Variants in IST1 observed in about 807,000 individuals in gnomAD.
IST1 encodes the protein IST1 homolog.
In IST1, 23 loss-of-function variants were observed where a neutral mutation model predicts 37.0. That is an observed-to-expected ratio of 0.62 (90% CI 0.45 to 0.88). IST1 has a LOEUF of 0.88. IST1 is among the 40% of genes least tolerant of loss of function. The pLI is 0.00. For synonymous variants in IST1, 180 were observed against 161.7 expected (o/e 1.11, Z -0.86); for missense variants, 488 against 445.4 (o/e 1.10, Z -0.86).
At chr16:71,918,389 C>T (rs937214142) in intron 4 of IST1, among the ~76,000 whole-genome samples, 29 of 148,592 alleles carry the variant, frequency 2.0e-4, no homozygotes, top group Non-Finnish European at 3.4e-4. Context: ...AGAAGAGGGA[C>T]AGTAGAGGCA....
At position 71,906,096 on chromosome 16, in the gene IST1, C is replaced by T. The variant is rs190339992; in HGVS notation, c.-15-9530C>T. On this transcript the variant is annotated intron_variant, in intron 1 of 9. Transcript: ENST00000378799. ...TCGGCTCACTGCAGCCTCTGCCTCC[C>T]AGGTTCAACCAATTCTCCTGCCTCA... 5.8e-3 allele frequency among the ~76,000 whole-genome samples: 871 copies of T among 149,882 alleles called. 5 individuals carry two copies. Among genetic ancestry groups the T allele is most frequent in the Non-Finnish European group, 6.2e-3 (418 of 67,284 alleles).
intron 1 of IST1, among the ~76,000 whole-genome samples, chr16:71,908,319 G>A (rs1235080245): frequency 1.4e-4 from 1 of 7,252 alleles, no homozygotes. Flanking sequence ...TTTTTTTTTT[G>A]GAGACAGTCT....
At chr16:71,927,505 T>C (rs1007182381) in intron 9 of IST1, 109 bp from the exon 10 acceptor site, 3 of 814,882 alleles carry the variant, frequency 3.7e-6, no homozygotes, top group Middle Eastern at 2.3e-4. Flanking sequence ...AAAAAAAAGT[T>C]TGTGAACTAA....
chr16:71,920,870 T>A, intron 5 of IST1, 48 bp downstream of exon 5: 1 of 1,308,224 alleles, frequency 7.6e-7, no homozygotes, highest in Non-Finnish European at 1.1e-6. Flanking sequence ...GGGAGCAGTT[T>A]ATTGTACTGC....
rs1597257957 is a variant in IST1, at chr16:71,924,778, A to G, written c.862A>G (p.Ile288Val). 2 of 1,609,468 alleles carry G rather than the reference A, an allele frequency of 1.2e-6. No individual in the cohort carries two copies. The highest frequency in any genetic ancestry group is 8.5e-7 in the Non-Finnish European group (1 of 1,175,654). ...AATCTTTGTGTTTCAGGTAGATGAC[A>G]TTAATGCTGATAAGAATATCTCTTC... ...TPPSYESVDD[I>V]NADKNISSAQ... The change falls in exon 9 of 10, where the codon ATT (isoleucine) becomes GTT (valine). Residue 288 changes from isoleucine to valine, a missense_variant. Ile to Val is a conservative substitution (Grantham distance 29). Coordinates refer to ENST00000378799, the MANE Select transcript of IST1 (RefSeq NM_001270975.2).
At chr16:71,897,209 G>A (rs1374369538) in intron 1 of IST1, among the ~76,000 whole-genome samples, 1 of 150,334 alleles carries the variant, frequency 6.7e-6, no homozygotes, top group African/African-American at 2.4e-5. Flanking sequence ...GGTCGGGAGG[G>A]GAGAGTTTCT....
At chr16:71,908,499 G>A (rs988368064) in intron 1 of IST1, among the ~76,000 whole-genome samples, 1 of 151,774 alleles carries the variant, frequency 6.6e-6, no homozygotes, top group Admixed American at 6.6e-5. Context: ...GTTTCACCAT[G>A]TTGGCCAGGC....
chr16:71,914,441 T>G (rs2037426602), intron 1 of IST1, among the ~76,000 whole-genome samples: 1 of 152,164 alleles, frequency 6.6e-6, no homozygotes, highest in East Asian at 1.9e-4. Flanking sequence ...ATTACAGATG[T>G]GAGCCGCCGC....
intron 1 of IST1, among the ~76,000 whole-genome samples, chr16:71,896,383 T>G (rs2036972373): frequency 6.6e-6 from 1 of 152,150 alleles, no homozygotes; most frequent in Non-Finnish European, 1.5e-5. Flanking sequence ...TAGGGGAAAC[T>G]TGAATTTTAA....
At chr16:71,903,134 A>G (rs1031117918) in intron 1 of IST1, 9 of 152,140 alleles carry the variant, frequency 5.9e-5, no homozygotes, top group African/African-American at 1.9e-4. Flanking sequence ...GTGTGCCACC[A>G]TGCCCTGCTA....
chr16:71,905,181 G>A (rs937861490), intron 1 of IST1, among the ~76,000 whole-genome samples: 26 of 151,818 alleles, frequency 1.7e-4, no homozygotes, highest in Admixed American at 1.1e-3. Flanking sequence ...GACTGCAGGT[G>A]CGTGCCATCA....
intron 1 of IST1, among the ~76,000 whole-genome samples, chr16:71,897,638 T>C (rs553729519): frequency 3.9e-5 from 6 of 152,176 alleles, no homozygotes; most frequent in African/African-American, 1.4e-4. Context: ...TTTGGAGAAT[T>C]GGTAAGAAAA....
intron 4 of IST1, among the ~76,000 whole-genome samples, chr16:71,918,659 G>A (rs1318092105): frequency 3.3e-5 from 5 of 151,992 alleles, no homozygotes; most frequent in Non-Finnish European, 5.9e-5. Flanking sequence ...CTCGTGATCC[G>A]CCTGCCTCGG....
In IST1 at chr16:71,929,961, T is replaced by TA; in HGVS notation, c.*2151dup. On this transcript the variant is annotated 3_prime_UTR_variant, in exon 10 of 10. Coordinates refer to ENST00000378799, the MANE Select transcript of IST1 (RefSeq NM_001270975.2). ...AAAGGGAATATGATACTGTGCATTA[T>TA]AAATTATGTCAGCCCGTCATCTTAG... 7.2e-7 allele frequency: 1 copy of TA among 1,382,644 alleles called. No individual in the cohort carries two copies. The highest frequency in any genetic ancestry group is 9.7e-7 in the Non-Finnish European group (1 of 1,032,478). The allele number at this position is 1,382,644 out of a possible 1,614,324, so 85.6% of individuals were successfully genotyped here. A position where few individuals can be genotyped will look rare whatever the true frequency, so the allele number is the denominator to read the frequency against.
intron 8 of IST1, chr16:71,924,261 C>A: frequency 2.3e-6 from 1 of 441,548 alleles, no homozygotes; most frequent in South Asian, 1.6e-5. Context: ...GTGAAAGTAT[C>A]ATTAAAGTTG....
chr16:71,916,901 C>A (rs555539422), intron 3 of IST1, 146 bp from the exon 4 acceptor site: 3 of 605,688 alleles, frequency 5.0e-6, no homozygotes, highest in Non-Finnish European at 8.3e-6. Flanking sequence ...AATAAGATCA[C>A]GAAAATGGCT....
chr16:71,922,894 A>G (rs1050058954), intron 7 of IST1: 2 of 596,552 alleles, frequency 3.4e-6, no homozygotes, highest in East Asian at 5.6e-5. Flanking sequence ...TTGGTGCTAG[A>G]AAAACACTTT....
chr16:71,920,628 C>T, intron 4 of IST1, 111 bp from the exon 5 acceptor site: 2 of 704,596 alleles, frequency 2.8e-6, no homozygotes, highest in Non-Finnish European at 2.5e-6. Flanking sequence ...TTGCAGACTC[C>T]AGTGTTTTGG....
At chr16:71,923,035 A>T (rs2037645478) in intron 7 of IST1, 2 of 469,550 alleles carry the variant, frequency 4.3e-6, no homozygotes, top group South Asian at 5.8e-5. Flanking sequence ...TGGTAGTAAG[A>T]AAGTCTCGTT....
Sources: allele counts gnomAD v4.1 joint callset (sites outside exome capture counted in the v4.1 genomes callset), GRCh38; gene constraint gnomAD v4.1.1; transcripts MANE v1.5; gene names NCBI Gene and HGNC (gene_info 2026-07-23, HGNC 2026-07-21).